Variants in REDIC1 observed in about 807,000 individuals in gnomAD.
REDIC1 encodes HEI10 Interacting Protein 1.
the REDIC1 span, among the ~76,000 whole-genome samples, chr12:39,637,498 T>C: frequency 6.6e-6 from 1 of 152,114 alleles, no homozygotes; most frequent in African/African-American, 2.4e-5. Context: ...TTGAGTGTTG[T>C]AGTACATAAG....
chr12:39,855,746 C>T, the REDIC1 span, among the ~76,000 whole-genome samples: 2 of 152,174 alleles, frequency 1.3e-5, no homozygotes, highest in Non-Finnish European at 2.9e-5. Flanking sequence ...AGACTTTCAG[C>T]TACTAAAACC....
At chr12:39,793,101 A>G in the REDIC1 span, among the ~76,000 whole-genome samples, 4 of 152,198 alleles carry the variant, frequency 2.6e-5, no homozygotes, top group African/African-American at 9.6e-5. Flanking sequence ...ATATATGTAG[A>G]AAATCTAATG....
At chr12:39,896,275 T>C in the REDIC1 span, among the ~76,000 whole-genome samples, 134 of 118,540 alleles carry the variant, frequency 1.1e-3, 8 homozygotes, top group East Asian at 0.032. Flanking sequence ...TGTATATATG[T>C]ATACATGTAT....
chr12:39,689,682 G>A, the REDIC1 span, among the ~76,000 whole-genome samples: 1 of 152,148 alleles, frequency 6.6e-6, no homozygotes. Flanking sequence ...CTGAGAATGA[G>A]CTACTAGAGA....
At chr12:39,721,988 T>A in the REDIC1 span, 1 of 152,152 alleles carries the variant, frequency 6.6e-6, no homozygotes, top group Non-Finnish European at 1.5e-5. Context: ...GCTTTGTTTC[T>A]AAGACAACAC....
the REDIC1 span, among the ~76,000 whole-genome samples, chr12:39,714,062 T>A: frequency 2.1e-5 from 3 of 139,724 alleles, no homozygotes; most frequent in African/African-American, 7.6e-5. Context: ...TATACACGTA[T>A]GTGTATATAC....
chr12:39,682,845 A>G, the REDIC1 span: 1 of 1,611,588 alleles, frequency 6.2e-7, no homozygotes, highest in Non-Finnish European at 8.5e-7. Context: ...TGATCAATGT[A>G]TTAAACATAG....
At chr12:39,783,584 C>G in the REDIC1 span, among the ~76,000 whole-genome samples, 1 of 152,222 alleles carries the variant, frequency 6.6e-6, no homozygotes, top group Non-Finnish European at 1.5e-5. Context: ...GAGATGGTAT[C>G]TCATTGTGGC....
At chr12:39,707,007 A>G in the REDIC1 span, among the ~76,000 whole-genome samples, 1 of 151,886 alleles carries the variant, frequency 6.6e-6, no homozygotes, top group African/African-American at 2.4e-5. Context: ...AAACAGGATC[A>G]CATCAGACAA....
At chr12:39,841,537 CATGTATATAA>C in the REDIC1 span, among the ~76,000 whole-genome samples, 1 of 151,876 alleles carries the variant, frequency 6.6e-6, no homozygotes, top group Admixed American at 6.6e-5. Context: ...TGTAAGATAA[CATGTATATAA>C]ATGTATATCT....
chr12:39,774,764 AC>A, the REDIC1 span, among the ~76,000 whole-genome samples: 1 of 152,164 alleles, frequency 6.6e-6, no homozygotes, highest in Non-Finnish European at 1.5e-5. Context: ...GCAAAAAGCC[AC>A]TTTTTTCCTG....
At chr12:39,871,260 A>G in the REDIC1 span, among the ~76,000 whole-genome samples, 1 of 152,190 alleles carries the variant, frequency 6.6e-6, no homozygotes, top group African/African-American at 2.4e-5. Context: ...GCTATCATAG[A>G]AAATACATTT....
chr12:39,886,458 A>C, the REDIC1 span, among the ~76,000 whole-genome samples: 2 of 152,200 alleles, frequency 1.3e-5, no homozygotes, highest in Non-Finnish European at 2.9e-5. Flanking sequence ...GATCTGAAGA[A>C]GAAATGCAAT....
the REDIC1 span, among the ~76,000 whole-genome samples, chr12:39,659,818 C>T: frequency 8.7e-3 from 1,321 of 152,176 alleles, 10 homozygotes; most frequent in Non-Finnish European, 0.014. Flanking sequence ...GGATTCTATA[C>T]ATTATGAATT....
chr12:39,672,756 G>T, the REDIC1 span, among the ~76,000 whole-genome samples: 4 of 152,148 alleles, frequency 2.6e-5, no homozygotes, highest in African/African-American at 9.7e-5. Flanking sequence ...TCTTACTGCA[G>T]CACCCATCTA....
chr12:39,806,943 T>C, the REDIC1 span, among the ~76,000 whole-genome samples: 1 of 152,192 alleles, frequency 6.6e-6, no homozygotes, highest in Non-Finnish European at 1.5e-5. Context: ...CAGAGAATTA[T>C]GCTGAGAAAA....
At chr12:39,875,568 G>A in the REDIC1 span, among the ~76,000 whole-genome samples, 4 of 152,212 alleles carry the variant, frequency 2.6e-5, no homozygotes, top group South Asian at 2.1e-4. Flanking sequence ...CACAGTAAAC[G>A]TACTAATAAG....
chr12:39,842,760 C>G, the REDIC1 span, among the ~76,000 whole-genome samples: 1 of 151,926 alleles, frequency 6.6e-6, no homozygotes, highest in African/African-American at 2.4e-5. Flanking sequence ...AGAATAAATC[C>G]TTTACTTCCC....
At chr12:39,872,377 G>T in the REDIC1 span, among the ~76,000 whole-genome samples, 1 of 152,200 alleles carries the variant, frequency 6.6e-6, no homozygotes, top group East Asian at 1.9e-4. Context: ...TTAAAAGACT[G>T]CCATAAGAGA....
Sources: allele counts gnomAD v4.1 joint callset (sites outside exome capture counted in the v4.1 genomes callset), GRCh38; gene constraint gnomAD v4.1.1; transcripts MANE v1.5; gene names NCBI Gene and HGNC (gene_info 2026-07-23, HGNC 2026-07-21).